The following KDSR variants were observed in gnomAD, a reference collection of about 807,000 sequenced individuals.
The protein encoded by KDSR is 3-dehydrosphinganine reductase.
Under a neutral mutation model 41.3 loss-of-function variants are expected in KDSR, and 23 were observed. The observed-to-expected ratio is 0.56, with a 90% CI of 0.40 to 0.79. The LOEUF (loss-of-function observed/expected upper bound fraction) is 0.79, where lower values mean the gene tolerates loss of function less well. Ranked by LOEUF, KDSR falls within the 30% of genes least tolerant of loss-of-function variation. The pLI, the probability that KDSR is intolerant of heterozygous loss-of-function variation, is 0.00. For missense variants in KDSR, 351 were observed against 416.8 expected (o/e 0.84, Z 1.37); for synonymous variants, 138 against 151.7 (o/e 0.91, Z 0.66).
intron 3 of KDSR, 73 bp downstream of exon 3, chr18:63,359,663 A>AAGTAACTCT: frequency 1.1e-6 from 1 of 951,842 alleles, no homozygotes; most frequent in Non-Finnish European, 1.7e-6. Context: ...TTCACAGGTG[A>AAGTAACTCT]AGTAACTCTG....
intron 8 of KDSR, among the ~76,000 whole-genome samples, chr18:63,338,313 A>G (rs915700254): frequency 6.6e-6 from 1 of 152,270 alleles, no homozygotes; most frequent in Non-Finnish European, 1.5e-5. Flanking sequence ...TTCTTCTACA[A>G]AACAGCACAT....
In KDSR at chr18:63,331,705, G is replaced by T; in HGVS notation, c.*77C>A. On this transcript the variant is annotated 3_prime_UTR_variant, in exon 10 of 10. Coordinates refer to ENST00000645214, the MANE Select transcript of KDSR (RefSeq NM_002035.4). ...CGAAAACAATACATAAGTGTCTATA[G>T]GCCAAAAATTGGGTCCCATTTAGCA... 2.0e-6 allele frequency: 3 copies of T among 1,485,410 alleles called. No homozygotes were observed. Among genetic ancestry groups the T allele is most frequent in the Non-Finnish European group, 2.8e-6 (3 of 1,086,034 alleles). The allele number at this position is 1,485,410 out of a possible 1,614,324, so 92.0% of individuals were successfully genotyped here.
intron 7 of KDSR, among the ~76,000 whole-genome samples, chr18:63,339,823 T>C (rs974001892): frequency 7.9e-5 from 12 of 152,320 alleles, no homozygotes; most frequent in Admixed American, 5.2e-4. Flanking sequence ...TAATTTCAAG[T>C]AGAAGTGTCA....
chr18:63,348,374 T>C lies in KDSR; in HGVS notation c.609+2514A>G, dbSNP rs531083232. Among the ~76,000 whole-genome samples, 7 of 151,838 alleles carry C rather than the reference T, an allele frequency of 4.6e-5. No homozygotes were observed. The South Asian group carries it at 1.0e-3, about 23-fold the overall frequency. ...GTTTGAGCAATTACATAAGATTTCA[T>C]TGACAGAAAACACACCTACCTTGAC... On this transcript the variant is annotated intron_variant, in intron 6 of 9. Transcript: ENST00000645214.
chr18:63,355,866 T>A (rs570364566), intron 3 of KDSR, among the ~76,000 whole-genome samples: 1 of 152,290 alleles, frequency 6.6e-6, no homozygotes, highest in Non-Finnish European at 1.5e-5. Flanking sequence ...GAAGGAACTG[T>A]GAAAGGGCAC....
At chr18:63,352,312 T>C (rs1278988839) in intron 5 of KDSR, among the ~76,000 whole-genome samples, 1 of 152,020 alleles carries the variant, frequency 6.6e-6, no homozygotes, top group Non-Finnish European at 1.5e-5. Flanking sequence ...TTTTTTATTG[T>C]TGTTTGTTTG....
chr18:63,341,473 TA>T (rs562462943), intron 7 of KDSR, among the ~76,000 whole-genome samples: 122 of 136,884 alleles, frequency 8.9e-4, no homozygotes, highest in Admixed American at 9.4e-4. Context: ...CCCAAGAGAT[TA>T]AAAAAAAAAA....
At position 63,331,019 on chromosome 18, in the gene KDSR, C is replaced by T. The variant is rs1428893138; in HGVS notation, c.*763G>A. On this transcript the variant is annotated 3_prime_UTR_variant, in exon 10 of 10. Coordinates refer to ENST00000645214, the MANE Select transcript of KDSR (RefSeq NM_002035.4). ...CTTTCCCCATGAATGAGAAATGAAA[C>T]GTTCCCTAAGCATTTGAGTCTAAAG... is the stretch of plus-strand genomic sequence containing the variant. The T allele has an allele frequency of 4.7e-5, 11 of 231,846 alleles. No individual in the cohort carries two copies. The highest frequency in any genetic ancestry group is 1.8e-4 in the South Asian group (1 of 5,510). 14.4% of individuals were successfully genotyped at this position (231,846 alleles called of 1,614,324 possible). A position where few individuals can be genotyped will look rare whatever the true frequency, so the allele number is the denominator to read the frequency against.
intron 1 of KDSR, chr18:63,366,794 T>A: frequency 2.6e-6 from 1 of 383,456 alleles, no homozygotes; most frequent in Non-Finnish European, 4.6e-6. Context: ...TCTCCGGCCC[T>A]AGGAGGAGCC....
At chr18:63,338,945 T>G in intron 7 of KDSR, 62 bp from the exon 8 acceptor site, 1 of 937,622 alleles carries the variant, frequency 1.1e-6, no homozygotes, top group Non-Finnish European at 1.6e-6. Context: ...AAAAATAAAT[T>G]ATTCTTACAG....
At chr18:63,355,403 G>C (rs1359031464) in intron 4 of KDSR, 95 bp downstream of exon 4, 1 of 1,607,208 alleles carries the variant, frequency 6.2e-7, no homozygotes, top group Non-Finnish European at 8.5e-7. Flanking sequence ...TAAACCTATA[G>C]AGAAGTTGTG....
At chr18:63,363,014 A>C in intron 1 of KDSR, 146 bp from the exon 2 acceptor site, 1 of 595,940 alleles carries the variant, frequency 1.7e-6, no homozygotes, top group African/African-American at 1.9e-5. Flanking sequence ...CCCAAACTTA[A>C]TGACTGGAGT....
In KDSR at chr18:63,344,440, T is replaced by C. The variant is rs774360067; in HGVS notation, c.663A>G (p.Thr221=). Reference sequence around the variant, plus strand: ...TTCTGTTTTCTTCGGCAAAGCCAGGTGTGTCTGTGTCTGGTGGGTAAGCAA... The same window carrying C: ...TTCTGTTTTCTTCGGCAAAGCCAGGCGTGTCTGTGTCTGGTGGGTAAGCAA... ...ITVAYPPDTD[T]PGFAEENRTK... The change falls in exon 7 of 10, where the codon ACA becomes ACG. Residue 221 remains threonine (T), a synonymous_variant. Coordinates refer to ENST00000645214, the MANE Select transcript of KDSR (RefSeq NM_002035.4). The C allele has an allele frequency of 6.2e-7, 1 of 1,614,018 alleles. No individual in the cohort carries two copies. The highest frequency in any genetic ancestry group is 8.5e-7 in the Non-Finnish European group (1 of 1,179,902).
chr18:63,366,110 G>A (rs1186426093), intron 1 of KDSR: 1 of 152,236 alleles, frequency 6.6e-6, no homozygotes, highest in African/African-American at 2.4e-5. Flanking sequence ...ATCCAAACGA[G>A]AATGCTCGTG....
intron 8 of KDSR, chr18:63,336,008 C>G (rs1366033783): frequency 6.6e-6 from 1 of 152,266 alleles, no homozygotes; most frequent in Non-Finnish European, 1.5e-5. Flanking sequence ...ACTGCCACTT[C>G]TTTCATGGAG....
At chr18:63,344,209 T>G in intron 7 of KDSR, 1 of 496,852 alleles carries the variant, frequency 2.0e-6, no homozygotes, top group Non-Finnish European at 3.6e-6. Context: ...AATTTAAACT[T>G]TAAGAAAATA....
In KDSR at chr18:63,329,626, G is replaced by GCT. The variant is rs1351082546; in HGVS notation, c.*2154_*2155dup. ...AATTGTCTTCTACCGCAAAACAGGG[G>GCT]CTCTCAACAGGTGCTCTTAAATTTA... On this transcript the variant is annotated 3_prime_UTR_variant, in exon 10 of 10. Transcript: ENST00000645214. 2 of 198,976 alleles carry GCT rather than the reference G, an allele frequency of 1.0e-5. No homozygotes were observed. Among genetic ancestry groups the GCT allele is most frequent in the African/African-American group, 4.6e-5 (2 of 43,382 alleles). 12.3% of individuals were successfully genotyped at this position (198,976 alleles called of 1,614,324 possible).
chr18:63,363,240 C>G (rs1302554726), intron 1 of KDSR, among the ~76,000 whole-genome samples: 1 of 127,456 alleles, frequency 7.8e-6, no homozygotes. Context: ...TTTTATTATA[C>G]TCTAAGTTTT....
At chr18:63,351,334 T>G (rs17071018) in intron 5 of KDSR, among the ~76,000 whole-genome samples, 3,309 of 152,330 alleles carry the variant, frequency 0.022, 123 homozygotes, top group African/African-American at 0.076. Context: ...TGACAGCAGT[T>G]AATGTTTTTC....
Sources: gnomAD v4.1 joint callset for allele counts (sites outside exome capture counted in the v4.1 genomes callset) on GRCh38, gnomAD v4.1.1 for gene constraint, MANE v1.5 for transcripts, NCBI Gene and HGNC (gene_info 2026-07-23, HGNC 2026-07-21) for gene names.